The following CSMD1 variants were observed in gnomAD, a reference collection of about 807,000 sequenced individuals.
The protein encoded by CSMD1 is CUB and sushi domain-containing protein 1.
Under a neutral mutation model 417.5 loss-of-function variants are expected in CSMD1, and 213 were observed. The observed-to-expected ratio is 0.51, with a 90% CI of 0.46 to 0.57. CSMD1 has a LOEUF of 0.57. CSMD1 is among the 20% of genes least tolerant of loss of function. The pLI is 0.00. For missense variants in CSMD1, 6,923 were observed against 4,529.7 expected (o/e 1.53, Z -15.17); for synonymous variants, 2,862 against 1,736.8 (o/e 1.65, Z -16.11).
intron 5 of CSMD1, among the ~76,000 whole-genome samples, chr8:3,916,479 C>G (rs1056802186): frequency 6.6e-6 from 1 of 152,120 alleles, no homozygotes; most frequent in African/African-American, 2.4e-5. Flanking sequence ...GGCTTGTTAG[C>G]TTGAAATTTC....
intron 7 of CSMD1, among the ~76,000 whole-genome samples, chr8:3,634,213 G>C (rs1796922682): frequency 6.6e-6 from 1 of 152,162 alleles, no homozygotes; most frequent in South Asian, 2.1e-4. Flanking sequence ...ACAGCAGATA[G>C]TCTATGTGTT....
At position 4,124,088 on chromosome 8, in the gene CSMD1, A is replaced by C. The variant is rs537013878; in HGVS notation, c.416-91989T>G. Among the ~76,000 whole-genome samples the C allele has an allele frequency of 2.0e-5, 3 of 152,284 alleles. No homozygotes were observed. The South Asian group carries it at 6.2e-4, about 32-fold the overall frequency. On this transcript the variant is annotated intron_variant, in intron 3 of 69. Coordinates refer to ENST00000635120, the MANE Select transcript of CSMD1 (RefSeq NM_033225.6). ...ACAGACTTCTACGCACAGAACAACG[A>C]AGAAAAAAAAGAGAAAGAAAAACTA... is the stretch of plus-strand genomic sequence containing the variant.
intron 2 of CSMD1, among the ~76,000 whole-genome samples, chr8:4,568,294 C>T (rs781083057): frequency 7.2e-5 from 11 of 152,064 alleles, no homozygotes; most frequent in African/African-American, 1.7e-4. Context: ...CCCCACCACC[C>T]GAAAGGCCCG....
chr8:4,977,955 G>T (rs1810661291), intron 1 of CSMD1, among the ~76,000 whole-genome samples: 1 of 152,172 alleles, frequency 6.6e-6, no homozygotes, highest in African/African-American at 2.4e-5. Context: ...TGTTGCTGAG[G>T]GTCCTGCACA....
At chr8:3,984,367 C>A (rs1266746593) in intron 5 of CSMD1, among the ~76,000 whole-genome samples, 1 of 152,152 alleles carries the variant, frequency 6.6e-6, no homozygotes, top group East Asian at 1.9e-4. Flanking sequence ...TCATGAGTCT[C>A]TGTTTTCCTA....
intron 29 of CSMD1, among the ~76,000 whole-genome samples, chr8:3,217,532 TG>T (rs1352012591): frequency 5.9e-5 from 9 of 152,124 alleles, no homozygotes; most frequent in Non-Finnish European, 1.3e-4. Context: ...TGCATGATTT[TG>T]TTGGGGGCGT....
At chr8:4,435,777 G>C (rs1001393810) in intron 2 of CSMD1, among the ~76,000 whole-genome samples, 1 of 152,170 alleles carries the variant, frequency 6.6e-6, no homozygotes, top group Admixed American at 6.5e-5. Context: ...ACCTTTGACA[G>C]CTAAACAAGA....
chr8:4,523,678 G>C (rs1223098075), intron 2 of CSMD1, among the ~76,000 whole-genome samples: 1 of 152,074 alleles, frequency 6.6e-6, no homozygotes, highest in Non-Finnish European at 1.5e-5. Flanking sequence ...GTCTACTAAA[G>C]GTCTGCTTAT....
At chr8:3,704,272 C>G (rs187275741) in intron 7 of CSMD1, among the ~76,000 whole-genome samples, 1 of 152,044 alleles carries the variant, frequency 6.6e-6, no homozygotes, top group Admixed American at 6.6e-5. Context: ...GATGAGCAAG[C>G]AGGATTCAGC....
chr8:3,482,534 A>C (rs999320159), intron 11 of CSMD1, among the ~76,000 whole-genome samples: 5 of 152,214 alleles, frequency 3.3e-5, no homozygotes, highest in Non-Finnish European at 4.4e-5. Flanking sequence ...AAAACTGATA[A>C]AGCTAAGAGA....
chr8:3,942,090 G>T (rs1435088469), intron 5 of CSMD1, among the ~76,000 whole-genome samples: 1 of 151,928 alleles, frequency 6.6e-6, no homozygotes, highest in Non-Finnish European at 1.5e-5. Flanking sequence ...CGAGCTCCTT[G>T]TGAGAATCTA....
At chr8:3,579,962 G>A (rs927776442) in intron 9 of CSMD1, among the ~76,000 whole-genome samples, 6 of 152,028 alleles carry the variant, frequency 3.9e-5, no homozygotes, top group Admixed American at 6.6e-5. Flanking sequence ...AAATTAGCTG[G>A]GTGTGGTGGC....
intron 2 of CSMD1, among the ~76,000 whole-genome samples, chr8:4,474,631 T>C (rs979992126): frequency 6.6e-5 from 10 of 152,104 alleles, no homozygotes; most frequent in African/African-American, 2.4e-4. Flanking sequence ...CTGGGTGCCC[T>C]CAGGAATTAC....
intron 12 of CSMD1, among the ~76,000 whole-genome samples, chr8:3,425,118 TC>T (rs1440701301): frequency 2.0e-5 from 3 of 152,176 alleles, no homozygotes; most frequent in African/African-American, 7.2e-5. Context: ...ACCATGCTTG[TC>T]CTATTTTATC....
At chr8:4,825,744 T>C (rs1799790150) in intron 1 of CSMD1, among the ~76,000 whole-genome samples, 1 of 149,092 alleles carries the variant, frequency 6.7e-6, no homozygotes, top group African/African-American at 2.5e-5. Flanking sequence ...GGTTAATATC[T>C]GAGATATAGA....
At position 4,162,814 on chromosome 8, in the gene CSMD1, G is replaced by T. The variant is rs34370638; in HGVS notation, c.416-130715C>A. On this transcript the variant is annotated intron_variant, in intron 3 of 69. Coordinates refer to ENST00000635120, the MANE Select transcript of CSMD1 (RefSeq NM_033225.6). Reference sequence around the variant, plus strand: ...TTGGTATTGTACATGCTATGGGTGTGGATAAATATATAATGCTATGTGTTC... The same window carrying T: ...TTGGTATTGTACATGCTATGGGTGTTGATAAATATATAATGCTATGTGTTC... Among the ~76,000 whole-genome samples, 7 of 151,980 alleles carry T rather than the reference G, an allele frequency of 4.6e-5. No homozygotes were observed. The South Asian group carries it at 1.2e-3, about 27-fold the overall frequency.
intron 2 of CSMD1, among the ~76,000 whole-genome samples, chr8:4,456,747 G>C (rs546791845): frequency 6.6e-6 from 1 of 152,092 alleles, no homozygotes; most frequent in Non-Finnish European, 1.5e-5. Context: ...CTGTCTAGTT[G>C]CTAGATCCTA....
intron 11 of CSMD1, among the ~76,000 whole-genome samples, chr8:3,470,767 A>T (rs542661813): frequency 1.3e-5 from 2 of 152,342 alleles, no homozygotes; most frequent in Non-Finnish European, 2.9e-5. Flanking sequence ...ATACAAATGA[A>T]ATCACAGTGT....
At chr8:3,238,462 G>T (rs1046748611) in intron 26 of CSMD1, among the ~76,000 whole-genome samples, 6 of 152,068 alleles carry the variant, frequency 3.9e-5, no homozygotes, top group Admixed American at 2.0e-4. Flanking sequence ...AAAGTGCTGG[G>T]ACGGCAAAAA....
Sources: allele counts gnomAD v4.1 joint callset (sites outside exome capture counted in the v4.1 genomes callset), GRCh38; gene constraint gnomAD v4.1.1; transcripts MANE v1.5; gene names NCBI Gene and HGNC (gene_info 2026-07-23, HGNC 2026-07-21).